GSG1L: variants seen among roughly 807,000 people sequenced by gnomAD.
The protein encoded by GSG1L is germ cell-specific gene 1-like protein.
In GSG1L, 24 loss-of-function variants were observed where a neutral mutation model predicts 42.1. The observed-to-expected ratio is 0.57, with a 90% CI of 0.41 to 0.80. The LOEUF is 0.80. Among genes scored for constraint, GSG1L ranks in the 30% least tolerant of loss-of-function variants. The pLI, the probability that GSG1L is intolerant of heterozygous loss-of-function variation, is 0.00. For missense variants in GSG1L, 445 were observed against 472.2 expected, an observed-to-expected ratio of 0.94 and a Z score of 0.53; for synonymous variants, 215 against 203.5, an observed-to-expected ratio of 1.06 and a Z score of -0.48.
chr16:27,924,441 T>C (rs1195143451), intron 2 of GSG1L, among the ~76,000 whole-genome samples: 1 of 152,240 alleles, frequency 6.6e-6, no homozygotes, highest in Admixed American at 6.5e-5. Context: ...TTTAAAAATT[T>C]GCATACATTT....
At chr16:27,793,045 A>T (rs1328354009) in intron 6 of GSG1L, among the ~76,000 whole-genome samples, 1 of 152,258 alleles carries the variant, frequency 6.6e-6, no homozygotes, top group Non-Finnish European at 1.5e-5. Context: ...ATTCTCAGAC[A>T]TACTTGTCAT....
At chr16:27,992,398 G>A (rs549765735) in intron 1 of GSG1L, among the ~76,000 whole-genome samples, 1 of 152,124 alleles carries the variant, frequency 6.6e-6, no homozygotes, top group East Asian at 1.9e-4. Flanking sequence ...GGGAGGCTGA[G>A]GCAGGAGAAT....
chr16:27,821,818 G>A (rs936238698), intron 5 of GSG1L, among the ~76,000 whole-genome samples: 17 of 152,080 alleles, frequency 1.1e-4, no homozygotes, highest in Non-Finnish European at 1.5e-4. Flanking sequence ...GCAGGAGAAC[G>A]GCGTGAACCC....
At chr16:27,852,920 G>A (rs986606067) in intron 3 of GSG1L, among the ~76,000 whole-genome samples, 5 of 152,014 alleles carry the variant, frequency 3.3e-5, no homozygotes, top group South Asian at 2.1e-4. Context: ...ATGGAGCCCC[G>A]GGGCACCGGG....
chr16:27,983,236 A>G (rs2085344097), intron 1 of GSG1L, among the ~76,000 whole-genome samples: 1 of 152,014 alleles, frequency 6.6e-6, no homozygotes, highest in Non-Finnish European at 1.5e-5. Flanking sequence ...TCAGGAGACT[A>G]AGGAAGGAGG....
At position 27,973,068 on chromosome 16, in the gene GSG1L, C is replaced by T. The variant is rs532203586; in HGVS notation, c.350-9865G>A. ...CTCCCATCTTTCTGTGCCTTTATTT[C>T]CTTGTTGGCGAAATGGGCACAGCAC... On this transcript the variant is annotated intron_variant, in intron 1 of 6. Transcript: ENST00000447459. Among the ~76,000 whole-genome samples, 42 of 152,240 alleles carry T rather than the reference C, an allele frequency of 2.8e-4. No homozygotes were observed. In the South Asian group the frequency reaches 8.7e-3, roughly 32 times the overall value.
chr16:28,051,506 T>C (rs1040213725), intron 1 of GSG1L, among the ~76,000 whole-genome samples: 3 of 136,382 alleles, frequency 2.2e-5, no homozygotes, highest in African/African-American at 7.8e-5. Flanking sequence ...GGGGAAGTGT[T>C]ACGAAAAAAA....
At chr16:27,979,877 G>A (rs1386514790) in intron 1 of GSG1L, among the ~76,000 whole-genome samples, 1 of 151,442 alleles carries the variant, frequency 6.6e-6, no homozygotes, top group East Asian at 1.9e-4. Context: ...AGAAAGGAAA[G>A]AAAGAAACGA....
At chr16:27,822,351 A>G (rs2083159883) in intron 5 of GSG1L, among the ~76,000 whole-genome samples, 3 of 152,184 alleles carry the variant, frequency 2.0e-5, no homozygotes, top group African/African-American at 7.2e-5. Context: ...GCGCTCAAAC[A>G]GTGTCTGCAA....
chr16:27,865,552 TATATATATATATATATATATAC>T (rs1228233972), intron 3 of GSG1L, among the ~76,000 whole-genome samples: 945 of 42,756 alleles, frequency 0.022, 78 homozygotes, highest in African/African-American at 0.039. Context: ...TATATATATA[TATATATATATATATATATATAC>T]ACACACACAT....
chr16:27,986,505 CAAAAAAA>C (rs59177321), intron 1 of GSG1L, among the ~76,000 whole-genome samples: 1 of 137,926 alleles, frequency 7.3e-6, no homozygotes, highest in African/African-American at 2.7e-5. Flanking sequence ...GACTCCGCCT[CAAAAAAA>C]AAAAAAAAAA....
chr16:27,855,512 G>T (rs1406446317), intron 3 of GSG1L, among the ~76,000 whole-genome samples: 4 of 152,014 alleles, frequency 2.6e-5, no homozygotes, highest in Non-Finnish European at 5.9e-5. Context: ...CTGAGGTCAG[G>T]AGTTCGAGAC....
chr16:27,935,288 G>A (rs749281409), intron 2 of GSG1L, among the ~76,000 whole-genome samples: 2 of 151,898 alleles, frequency 1.3e-5, no homozygotes, highest in Admixed American at 6.6e-5. Flanking sequence ...GCCACAGCCC[G>A]GCCAGCCTTC....
chr16:27,902,093 C>T (rs751629667), intron 2 of GSG1L, among the ~76,000 whole-genome samples: 1 of 152,180 alleles, frequency 6.6e-6, no homozygotes, highest in Non-Finnish European at 1.5e-5. Context: ...TGGTGTTATT[C>T]ACTGGTTTAC....
Position 27,791,003 on chromosome 16 carries a change from A to C in GSG1L, c.*367T>G. 1 of 190,692 alleles carries C rather than the reference A, an allele frequency of 5.2e-6. No individual in the cohort carries two copies. The highest frequency in any genetic ancestry group is 2.3e-5 in the African/African-American group (1 of 43,172). 11.8% of individuals were successfully genotyped at this position (190,692 alleles called of 1,614,324 possible). A position where few individuals can be genotyped will look rare whatever the true frequency, so the allele number is the denominator to read the frequency against. On this transcript the variant is annotated 3_prime_UTR_variant, in exon 7 of 7. Transcript: ENST00000447459. The stretch of plus-strand genomic sequence containing the variant: ...TCAGGAAGCCACTCTCTGCCCCCCA[A>C]AGGGCTCTGCCCCTCTGGGCACCTG...
rs75176558 is a variant in GSG1L, at chr16:27,815,788, G to A, written c.831-8234C>T. ...AATGCACAGCATGCTGGACAATATAGGGAGATCTAGTCTCTACCAAAAACA... is the reference window on the plus strand; with the variant it reads ...AATGCACAGCATGCTGGACAATATAAGGAGATCTAGTCTCTACCAAAAACA... On this transcript the variant is annotated intron_variant, in intron 5 of 6. Transcript: ENST00000447459. Among the ~76,000 whole-genome samples the A allele has an allele frequency of 8.1e-3, 1,239 of 152,190 alleles. 18 individuals carry two copies. Among genetic ancestry groups the A allele is most frequent in the African/African-American group, 0.026 (1,097 of 41,532 alleles).
At chr16:27,823,245 G>T (rs2083168694) in intron 5 of GSG1L, among the ~76,000 whole-genome samples, 1 of 152,072 alleles carries the variant, frequency 6.6e-6, no homozygotes, top group South Asian at 2.1e-4. Flanking sequence ...GCAGGAATTG[G>T]GGGGTGCAGG....
Position 27,874,441 on chromosome 16 carries a change from C to CTTTTTTTTTTTTTTTT in GSG1L, c.550+10029_550+10044dup, listed in dbSNP as rs71140916. Among the ~76,000 whole-genome samples the CTTTTTTTTTTTTTTTT allele has an allele frequency of 5.4e-4, 51 of 94,460 alleles. 7 individuals carry two copies. The highest frequency in any genetic ancestry group is 6.8e-4 in the Admixed American group (5 of 7,300). 62.0% of individuals were successfully genotyped at this position (94,460 alleles called of 152,430 possible). A position where few individuals can be genotyped will look rare whatever the true frequency, so the allele number is the denominator to read the frequency against. Reference sequence around the variant, plus strand: ...TCTGGACACTGAAGCACAGGAGAGCCTTTTTTTTTTTTTTTTTTTTTTTTT... The same window carrying CTTTTTTTTTTTTTTTT: ...TCTGGACACTGAAGCACAGGAGAGCCTTTTTTTTTTTTTTTTTTTTTTTTTTTTTTTTTTTTTTTTT... On this transcript the variant is annotated intron_variant, in intron 3 of 6. Transcript: ENST00000447459.
At chr16:27,883,708 T>A (rs1437915334) in intron 3 of GSG1L, among the ~76,000 whole-genome samples, 1 of 152,244 alleles carries the variant, frequency 6.6e-6, no homozygotes, top group Non-Finnish European at 1.5e-5. Flanking sequence ...CTGCTCTGTC[T>A]GCCAGGCCTC....
Sources: allele counts gnomAD v4.1 joint callset (sites outside exome capture counted in the v4.1 genomes callset), GRCh38; gene constraint gnomAD v4.1.1; transcripts MANE v1.5; gene names NCBI Gene and HGNC (gene_info 2026-07-23, HGNC 2026-07-21).